CDK5RAP1: variants seen among roughly 807,000 people sequenced by gnomAD.
CDK5RAP1 encodes the protein mitochondrial tRNA methylthiotransferase CDK5RAP1.
Under a neutral mutation model 64.5 loss-of-function variants are expected in CDK5RAP1, and 62 were observed. That is an observed-to-expected ratio of 0.96 (90% CI 0.78 to 1.19). CDK5RAP1 has a LOEUF of 1.19. Ranked by LOEUF, CDK5RAP1 falls within the 50% of genes most tolerant of loss-of-function variation. The probability of loss-of-function intolerance (pLI) is 0.00; values close to 1 mark genes in which losing one functional copy is unlikely to be tolerated. For synonymous variants in CDK5RAP1, 250 were observed against 261.9 expected, an observed-to-expected ratio of 0.95 and a Z score of 0.44; for missense variants, 657 against 735.0, an observed-to-expected ratio of 0.89 and a Z score of 1.23.
chr20:33,397,557 T>G (rs561848569), intron 1 of CDK5RAP1, among the ~76,000 whole-genome samples: 2 of 152,340 alleles, frequency 1.3e-5, no homozygotes, highest in South Asian at 4.1e-4. Context: ...GCAAAGCCCG[T>G]GCCACTACCC....
intron 12 of CDK5RAP1, among the ~76,000 whole-genome samples, chr20:33,360,798 C>T (rs539223813): frequency 8.5e-5 from 13 of 152,272 alleles, no homozygotes; most frequent in African/African-American, 2.6e-4. Flanking sequence ...GACTTATGAG[C>T]GATGCATTTG....
rs775292254 is a variant in CDK5RAP1 at position 33,397,060 on chromosome 20, T to C, written c.5A>G (p.His2Arg). 1.9e-6 allele frequency: 3 copies of C among 1,603,060 alleles called. No individual in the cohort carries two copies. In the South Asian group the frequency reaches 3.3e-5, roughly 18 times the overall value. The change falls in exon 2 of 14, where the codon CAC (histidine) becomes CGC (arginine). Residue 2 changes from histidine to arginine, a missense_variant. Coordinates refer to ENST00000346416, the MANE Select transcript of CDK5RAP1 (RefSeq NM_016408.4). The stretch of plus-strand genomic sequence containing the variant: ...CACTTGGAGGACACACTGTAAAGGG[T>C]GCATGGCACTAAACAGCCCACAGTC... M[H>R]PLQCVLQVQR...
At chr20:33,373,970 C>A in intron 9 of CDK5RAP1, 145 bp downstream of exon 9, 1 of 672,918 alleles carries the variant, frequency 1.5e-6, no homozygotes. Context: ...ACTCCAGTGC[C>A]CAGTGGCTTA....
At chr20:33,366,361 C>A (rs1160251207) in intron 12 of CDK5RAP1, among the ~76,000 whole-genome samples, 1 of 149,546 alleles carries the variant, frequency 6.7e-6, no homozygotes, top group East Asian at 2.0e-4. Flanking sequence ...GTGGCTCATG[C>A]CCGTAATCCT....
Position 33,360,438 on chromosome 20 carries a change from C to G in CDK5RAP1, c.1596G>C (p.Lys532Asn). Residue 532 changes from lysine to asparagine, a missense_variant, in exon 13 of 14, where the codon AAG becomes AAC. Transcript: ENST00000346416. ...CCATCTCTGCATCAGGGAAGATCACCTTAAGGTTTCCATCATTCCTGCCAC... is the reference window on the plus strand; with the variant it reads ...CCATCTCTGCATCAGGGAAGATCACGTTAAGGTTTCCATCATTCCTGCCAC... ...DLCGRNDGNL[K>N]VIFPDAEMED... 6.2e-7 allele frequency: 1 copy of G among 1,613,908 alleles called. No individual in the cohort carries two copies. The highest frequency in any genetic ancestry group is 8.5e-7 in the Non-Finnish European group (1 of 1,179,828).
intron 2 of CDK5RAP1, among the ~76,000 whole-genome samples, chr20:33,395,968 C>T (rs987068294): frequency 3.3e-5 from 5 of 151,968 alleles, no homozygotes; most frequent in Middle Eastern, 3.4e-3. Context: ...GAGCTGAGAT[C>T]GCACCATTGT....
At chr20:33,394,165 T>A in intron 3 of CDK5RAP1, 99 bp from the exon 4 acceptor site, 3 of 247,498 alleles carry the variant, frequency 1.2e-5, no homozygotes, top group Non-Finnish European at 2.2e-5. Flanking sequence ...TTTTTTTTCC[T>A]TTTTTTTTTT....
intron 12 of CDK5RAP1, among the ~76,000 whole-genome samples, chr20:33,365,486 G>A (rs956329644): frequency 5.3e-5 from 8 of 151,260 alleles, no homozygotes; most frequent in Admixed American, 4.0e-4. Context: ...TGGCCAGACT[G>A]GTCTCGAACT....
At chr20:33,369,016 A>G (rs1489598425) in intron 11 of CDK5RAP1, among the ~76,000 whole-genome samples, 1 of 142,726 alleles carries the variant, frequency 7.0e-6, no homozygotes, top group Non-Finnish European at 1.5e-5. Context: ...GGCACGCACC[A>G]GTAATCCCAG....
chr20:33,390,801 G>A (rs1490396898), intron 5 of CDK5RAP1, among the ~76,000 whole-genome samples: 1 of 152,096 alleles, frequency 6.6e-6, no homozygotes, highest in Non-Finnish European at 1.5e-5. Context: ...CTCCATCTGT[G>A]TGTGGACCCA....
intron 10 of CDK5RAP1, among the ~76,000 whole-genome samples, chr20:33,372,348 A>C (rs1341839300): frequency 6.6e-6 from 1 of 152,136 alleles, no homozygotes; most frequent in Non-Finnish European, 1.5e-5. Context: ...TCACCTTACA[A>C]GATAAGATAA....
At chr20:33,388,523 T>C (rs1600782887) in intron 5 of CDK5RAP1, among the ~76,000 whole-genome samples, 2 of 116,886 alleles carry the variant, frequency 1.7e-5, no homozygotes. Context: ...TCCCTCTCCC[T>C]CTCCCTCTCC....
intron 6 of CDK5RAP1, 116 bp from the exon 7 acceptor site, chr20:33,385,886 T>C (rs1458002230): frequency 1.1e-6 from 1 of 937,434 alleles, no homozygotes; most frequent in Non-Finnish European, 1.6e-6. Flanking sequence ...CTTGCCACAA[T>C]GCTCACACTG....
intron 8 of CDK5RAP1, among the ~76,000 whole-genome samples, chr20:33,377,614 A>G (rs1435742053): frequency 1.3e-5 from 2 of 152,156 alleles, no homozygotes; most frequent in African/African-American, 4.8e-5. Context: ...CCATATCAGC[A>G]AAAAGGCTGG....
At position 33,377,033 on chromosome 20, in the gene CDK5RAP1, T is replaced by TG. The variant is rs1386436138; in HGVS notation, c.1107+2427dup. Among the ~76,000 whole-genome samples, 9 of 152,262 alleles carry TG rather than the reference T, an allele frequency of 5.9e-5. No homozygotes were observed. In the South Asian group the frequency reaches 1.2e-3, roughly 21 times the overall value. The stretch of plus-strand genomic sequence containing the variant: ...TTCAACTTAAAGTCACCAGCTGCCT[T>TG]GGCCCCTAACAAGAGAGTCTGGCTG... On this transcript the variant is annotated intron_variant, in intron 8 of 13. Transcript: ENST00000346416.
rs147094932 is a variant in CDK5RAP1 at position 33,387,668 on chromosome 20, C to A, written c.545-135G>T. 2.2e-4 allele frequency: 144 copies of A among 666,834 alleles called. No individual in the cohort carries two copies. In the African/African-American group the frequency reaches 2.4e-3, roughly 11 times the overall value. The allele number at this position is 666,834 out of a possible 1,614,324, so 41.3% of individuals were successfully genotyped here. On this transcript the variant is annotated intron_variant, in intron 5 of 13. Coordinates refer to ENST00000346416, the MANE Select transcript of CDK5RAP1 (RefSeq NM_016408.4). ...ACTTCTCTAAGAATTGAGTATCATCCTTCAAATTTAACCAACACTCCCATC... is the reference window on the plus strand; with the variant it reads ...ACTTCTCTAAGAATTGAGTATCATCATTCAAATTTAACCAACACTCCCATC...
chr20:33,392,621 C>G (rs1390923152), intron 4 of CDK5RAP1, among the ~76,000 whole-genome samples: 1 of 152,008 alleles, frequency 6.6e-6, no homozygotes, highest in South Asian at 2.1e-4. Context: ...TTCAGACTTA[C>G]GGAAGGTAGG....
chr20:33,377,230 G>A (rs1986124824), intron 8 of CDK5RAP1, among the ~76,000 whole-genome samples: 1 of 152,182 alleles, frequency 6.6e-6, no homozygotes, highest in South Asian at 2.1e-4. Context: ...TTTGAAGAAT[G>A]GCACTGATTT....
intron 7 of CDK5RAP1, among the ~76,000 whole-genome samples, chr20:33,384,191 T>G (rs1046176391): frequency 6.6e-6 from 1 of 152,210 alleles, no homozygotes; most frequent in African/African-American, 2.4e-5. Context: ...CTTTAAAAAT[T>G]ACTAAACAAG....
Sources: allele counts gnomAD v4.1 joint callset (sites outside exome capture counted in the v4.1 genomes callset), GRCh38; gene constraint gnomAD v4.1.1; transcripts MANE v1.5; gene names NCBI Gene and HGNC (gene_info 2026-07-23, HGNC 2026-07-21).